Variants in CSMD1 observed in about 807,000 individuals in gnomAD.
The protein encoded by CSMD1 is CUB and Sushi multiple domains 1.
A neutral mutation model predicts 417.5 loss-of-function variants in CSMD1; 213 were observed. The observed-to-expected ratio is 0.51, with a 90% CI of 0.46 to 0.57. The LOEUF (loss-of-function observed/expected upper bound fraction) is 0.57, where lower values mean the gene tolerates loss of function less well. CSMD1 is among the 20% of genes least tolerant of loss of function. The pLI, the probability that CSMD1 is intolerant of heterozygous loss-of-function variation, is 0.00. For missense variants in CSMD1, 6,923 were observed against 4,529.7 expected, an observed-to-expected ratio of 1.53 and a Z score of -15.17; for synonymous variants, 2,862 against 1,736.8, an observed-to-expected ratio of 1.65 and a Z score of -16.11.
intron 5 of CSMD1, among the ~76,000 whole-genome samples, chr8:3,818,245 C>A (rs1359889516): frequency 6.6e-6 from 1 of 152,074 alleles, no homozygotes; most frequent in African/African-American, 2.4e-5. Flanking sequence ...GCCCCTGGGT[C>A]CGTGCAGCAC....
At chr8:4,200,869 GATA>G (rs199653171) in intron 3 of CSMD1, among the ~76,000 whole-genome samples, 3,298 of 152,160 alleles carry the variant, frequency 0.022, 148 homozygotes, top group African/African-American at 0.075. Flanking sequence ...AAATAATGAT[GATA>G]ATAATAATAA....
chr8:4,148,092 A>G (rs766771323), intron 3 of CSMD1, among the ~76,000 whole-genome samples: 45 of 152,288 alleles, frequency 3.0e-4, no homozygotes, highest in Middle Eastern at 3.4e-3. Context: ...CTTGAAAAAC[A>G]TAACACAGAT....
At chr8:4,133,691 C>T (rs1623221) in intron 3 of CSMD1, among the ~76,000 whole-genome samples, 27,443 of 131,636 alleles carry the variant, frequency 0.21, 2,685 homozygotes, top group East Asian at 0.34. Context: ...AACATTTTTA[C>T]ACCATAATAC....
chr8:4,401,290 G>C lies in CSMD1; in HGVS notation c.415+18663C>G, dbSNP rs573207071. ...TCTTGAAACCTGTAATCAAGTCAAA[G>C]TGCTTTTATAATATTTCTACAGGAA... On this transcript the variant is annotated intron_variant, in intron 3 of 69. Transcript: ENST00000635120. Among the ~76,000 whole-genome samples the C allele has an allele frequency of 2.6e-5, 4 of 152,194 alleles. No individual in the cohort carries two copies. In the East Asian group the frequency reaches 7.7e-4, roughly 29 times the overall value.
intron 10 of CSMD1, among the ~76,000 whole-genome samples, chr8:3,539,517 G>A (rs1302966875): frequency 6.6e-6 from 1 of 152,054 alleles, no homozygotes; most frequent in Non-Finnish European, 1.5e-5. Flanking sequence ...ATATTATGAA[G>A]CCCACAAAGG....
At chr8:3,286,048 C>G (rs1233610157) in intron 25 of CSMD1, among the ~76,000 whole-genome samples, 1 of 152,112 alleles carries the variant, frequency 6.6e-6, no homozygotes, top group African/African-American at 2.4e-5. Context: ...CACTGTTCAA[C>G]TCCCACCTAT....
chr8:4,906,445 G>A (rs937895652), intron 1 of CSMD1, among the ~76,000 whole-genome samples: 2 of 152,182 alleles, frequency 1.3e-5, no homozygotes, highest in Non-Finnish European at 2.9e-5. Flanking sequence ...ACCAAGGACT[G>A]TGTTCATTAA....
intron 7 of CSMD1, among the ~76,000 whole-genome samples, chr8:3,641,758 C>G (rs984008966): frequency 6.6e-6 from 1 of 152,148 alleles, no homozygotes; most frequent in Non-Finnish European, 1.5e-5. Flanking sequence ...TGCTACCACT[C>G]GGTACCCAAC....
intron 3 of CSMD1, among the ~76,000 whole-genome samples, chr8:4,108,116 A>G (rs1182876182): frequency 1.3e-5 from 2 of 151,934 alleles, no homozygotes; most frequent in Non-Finnish European, 2.9e-5. Flanking sequence ...ACGGAGGAGG[A>G]GGAGGAGGAG....
chr8:4,094,424 T>C (rs1371745385), intron 3 of CSMD1, among the ~76,000 whole-genome samples: 2 of 151,934 alleles, frequency 1.3e-5, no homozygotes, highest in Non-Finnish European at 2.9e-5. Flanking sequence ...GGCGGTCAGG[T>C]GTGTGGATTT....
At chr8:4,225,831 C>G (rs1421346760) in intron 3 of CSMD1, among the ~76,000 whole-genome samples, 1 of 151,982 alleles carries the variant, frequency 6.6e-6, no homozygotes, top group Non-Finnish European at 1.5e-5. Context: ...TAAAGTGGCA[C>G]AATATGATCA....
intron 1 of CSMD1, among the ~76,000 whole-genome samples, chr8:4,681,257 A>C (rs1027506197): frequency 6.6e-6 from 1 of 152,128 alleles, no homozygotes; most frequent in African/African-American, 2.4e-5. Flanking sequence ...GATATGAATA[A>C]ATCCAGTCTG....
At chr8:4,408,179 T>C (rs1208403399) in intron 3 of CSMD1, among the ~76,000 whole-genome samples, 2 of 152,244 alleles carry the variant, frequency 1.3e-5, no homozygotes, top group Admixed American at 6.5e-5. Flanking sequence ...TAGTCAGATG[T>C]ATACAAATCA....
chr8:4,366,098 A>G (rs1026871061), intron 3 of CSMD1, among the ~76,000 whole-genome samples: 2 of 152,024 alleles, frequency 1.3e-5, no homozygotes, highest in African/African-American at 2.4e-5. Flanking sequence ...CCACTCAGGT[A>G]GTACCCGGCA....
intron 5 of CSMD1, among the ~76,000 whole-genome samples, chr8:3,964,617 C>A (rs1202664706): frequency 1.3e-5 from 2 of 152,166 alleles, no homozygotes; most frequent in Admixed American, 1.3e-4. Context: ...AATGTTTTAG[C>A]TAGTTGCAAA....
Position 3,478,579 on chromosome 8 carries a change from G to C in CSMD1, c.1449-9755C>G, listed in dbSNP as rs534621473. 1.1e-4 allele frequency among the ~76,000 whole-genome samples: 17 copies of C among 152,266 alleles called. No homozygotes were observed. The South Asian group carries it at 2.9e-3, about 26-fold the overall frequency. ...GAAACAGCAGAGCATGGGGTGACTTGTGGCCGATCACAAACAGAAGGCCAC... is the reference window on the plus strand; with the variant it reads ...GAAACAGCAGAGCATGGGGTGACTTCTGGCCGATCACAAACAGAAGGCCAC... On this transcript the variant is annotated intron_variant, in intron 11 of 69. Transcript: ENST00000635120.
At chr8:3,195,991 A>G (rs1077154) in intron 33 of CSMD1, among the ~76,000 whole-genome samples, 102 of 152,262 alleles carry the variant, frequency 6.7e-4, no homozygotes, top group African/African-American at 2.4e-3. Flanking sequence ...ATAGGAGGTC[A>G]GGTGTTCTAA....
chr8:4,667,321 G>A (rs1805002779), intron 1 of CSMD1, among the ~76,000 whole-genome samples: 1 of 151,936 alleles, frequency 6.6e-6, no homozygotes, highest in African/African-American at 2.4e-5. Flanking sequence ...TCTTAAAATT[G>A]TCTTGGCCAT....
At chr8:2,959,088 T>G (rs1306704015) in intron 62 of CSMD1, among the ~76,000 whole-genome samples, 1 of 152,208 alleles carries the variant, frequency 6.6e-6, no homozygotes, top group Non-Finnish European at 1.5e-5. Context: ...TACTCTTGAT[T>G]GATTGATTGA....
Sources: allele counts gnomAD v4.1 joint callset (sites outside exome capture counted in the v4.1 genomes callset), GRCh38; gene constraint gnomAD v4.1.1; transcripts MANE v1.5; gene names NCBI Gene and HGNC (gene_info 2026-07-23, HGNC 2026-07-21).